LHFPL3: variants seen among roughly 807,000 people sequenced by gnomAD.
The protein encoded by LHFPL3 is LHFPL tetraspan subfamily member 3.
Under a neutral mutation model 19.3 loss-of-function variants are expected in LHFPL3, and 5 were observed. The ratio of observed to expected loss-of-function variants is 0.26; its 90% CI spans 0.14 to 0.54. The LOEUF (loss-of-function observed/expected upper bound fraction) is 0.54, where lower values mean the gene tolerates loss of function less well. Among genes scored for constraint, LHFPL3 ranks in the 20% least tolerant of loss-of-function variants. The pLI, the probability that LHFPL3 is intolerant of heterozygous loss-of-function variation, is 0.94. For missense variants in LHFPL3, 249 were observed against 307.4 expected (o/e 0.81, Z 1.42); for synonymous variants, 133 against 126.2 (o/e 1.05, Z -0.36).
At chr7:104,714,557 T>G (rs1440612802) in intron 1 of LHFPL3, among the ~76,000 whole-genome samples, 3 of 151,720 alleles carry the variant, frequency 2.0e-5, no homozygotes, top group Non-Finnish European at 4.4e-5. Flanking sequence ...ATTTAGTAAG[T>G]CAGTGCCTCG....
intron 1 of LHFPL3, among the ~76,000 whole-genome samples, chr7:104,690,541 G>C (rs945339009): frequency 1.3e-5 from 2 of 152,168 alleles, no homozygotes; most frequent in Admixed American, 6.5e-5. Flanking sequence ...AAACACTCTG[G>C]ACTTACTGAT....
At chr7:104,340,912 G>T (rs1291763610) in intron 1 of LHFPL3, among the ~76,000 whole-genome samples, 1 of 152,128 alleles carries the variant, frequency 6.6e-6, no homozygotes, top group Admixed American at 6.5e-5. Context: ...AAAAAAGGAA[G>T]CCATGTTTTG....
chr7:104,375,794 A>G (rs559687090), intron 1 of LHFPL3, among the ~76,000 whole-genome samples: 1 of 152,318 alleles, frequency 6.6e-6, no homozygotes, highest in Non-Finnish European at 1.5e-5. Context: ...TGCCTGGGCT[A>G]CTATTTCTCT....
chr7:104,862,937 T>C (rs1753909782), intron 2 of LHFPL3, among the ~76,000 whole-genome samples: 2 of 152,148 alleles, frequency 1.3e-5, no homozygotes, highest in African/African-American at 4.8e-5. Flanking sequence ...AACACGACAG[T>C]ATGTGTAGAA....
intron 1 of LHFPL3, among the ~76,000 whole-genome samples, chr7:104,422,565 T>C (rs1440885575): frequency 2.6e-5 from 4 of 152,346 alleles, no homozygotes. Context: ...TATTACAAAA[T>C]GGTTAAGCAT....
chr7:104,644,997 TTG>T (rs1422132636), intron 1 of LHFPL3, among the ~76,000 whole-genome samples: 1 of 152,194 alleles, frequency 6.6e-6, no homozygotes, highest in Non-Finnish European at 1.5e-5. Flanking sequence ...TTCCCAGACC[TTG>T]TCTCCACTGT....
At chr7:104,892,179 C>T (rs1223317902) in intron 2 of LHFPL3, among the ~76,000 whole-genome samples, 1 of 152,142 alleles carries the variant, frequency 6.6e-6, no homozygotes, top group Non-Finnish European at 1.5e-5. Flanking sequence ...GAATAGCTAT[C>T]CTTTTGGTGT....
chr7:104,358,738 CTG>C (rs1234958339), intron 1 of LHFPL3, among the ~76,000 whole-genome samples: 2 of 152,174 alleles, frequency 1.3e-5, no homozygotes, highest in Non-Finnish European at 2.9e-5. Flanking sequence ...AGAAACAAAA[CTG>C]AGATTTAGCT....
intron 1 of LHFPL3, among the ~76,000 whole-genome samples, chr7:104,517,874 G>T (rs1252318299): frequency 6.6e-6 from 1 of 152,032 alleles, no homozygotes; most frequent in African/African-American, 2.4e-5. Flanking sequence ...TACAGGGTGG[G>T]GACCTGGGGG....
intron 1 of LHFPL3, among the ~76,000 whole-genome samples, chr7:104,494,470 T>A (rs142581123): frequency 6.6e-6 from 1 of 152,086 alleles, no homozygotes; most frequent in African/African-American, 2.4e-5. Context: ...CTGAGATCTC[T>A]CCTCTCATTT....
At chr7:104,446,568 T>A (rs2116592037) in intron 1 of LHFPL3, among the ~76,000 whole-genome samples, 1 of 152,256 alleles carries the variant, frequency 6.6e-6, no homozygotes, top group South Asian at 2.1e-4. Context: ...TTATTTTATT[T>A]TTTTATTTTT....
intron 2 of LHFPL3, among the ~76,000 whole-genome samples, chr7:104,847,927 C>T (rs1031952920): frequency 1.3e-5 from 2 of 152,238 alleles, no homozygotes; most frequent in South Asian, 4.1e-4. Context: ...AATAACACAT[C>T]TAGTCTGCAG....
rs777385068 is a variant in LHFPL3 at position 104,420,652 on chromosome 7, C to T, written c.445+91428C>T. On this transcript the variant is annotated intron_variant, in intron 1 of 2. Transcript: ENST00000424859. Reference sequence around the variant, plus strand: ...TCGGCTCACTGCAAGCTCCGCCTCCCGGGTTCACGCCATTCTCCTGCCTCA... The same window carrying T: ...TCGGCTCACTGCAAGCTCCGCCTCCTGGGTTCACGCCATTCTCCTGCCTCA... 2.0e-4 allele frequency among the ~76,000 whole-genome samples: 30 copies of T among 151,130 alleles called. 1 individual carries two copies. The highest frequency in any genetic ancestry group is 6.3e-4 in the African/African-American group (26 of 41,172).
intron 1 of LHFPL3, among the ~76,000 whole-genome samples, chr7:104,545,003 A>C (rs1794554600): frequency 1.3e-5 from 2 of 152,346 alleles, no homozygotes; most frequent in African/African-American, 4.8e-5. Context: ...ATTTATGCCA[A>C]AATGGGTACT....
intron 1 of LHFPL3, among the ~76,000 whole-genome samples, chr7:104,580,770 G>C (rs1296681288): frequency 1.3e-5 from 2 of 151,902 alleles, no homozygotes; most frequent in East Asian, 3.9e-4. Flanking sequence ...TTTGCTTGCT[G>C]TAAAACTCCA....
chr7:104,822,198 G>A (rs1350007072), intron 2 of LHFPL3, among the ~76,000 whole-genome samples: 2 of 152,124 alleles, frequency 1.3e-5, no homozygotes, highest in Admixed American at 6.6e-5. Flanking sequence ...AGTGACTTTC[G>A]TTGGAAGGGT....
intron 1 of LHFPL3, among the ~76,000 whole-genome samples, chr7:104,662,007 G>A (rs187254836): frequency 3.3e-5 from 5 of 151,446 alleles, no homozygotes; most frequent in African/African-American, 9.7e-5. Flanking sequence ...TAGCATCTAC[G>A]GCATGGATCA....
At chr7:104,552,812 A>T (rs1794688211) in intron 1 of LHFPL3, among the ~76,000 whole-genome samples, 1 of 152,176 alleles carries the variant, frequency 6.6e-6, no homozygotes, top group Non-Finnish European at 1.5e-5. Flanking sequence ...CTATCTCCTA[A>T]TTTTCTTATT....
intron 1 of LHFPL3, among the ~76,000 whole-genome samples, chr7:104,593,019 T>C (rs947762413): frequency 4.6e-5 from 7 of 152,242 alleles, no homozygotes; most frequent in African/African-American, 1.4e-4. Flanking sequence ...TTTGAAGGGT[T>C]TTTTGTGTCT....
Sources: allele counts gnomAD v4.1 joint callset (sites outside exome capture counted in the v4.1 genomes callset), GRCh38; gene constraint gnomAD v4.1.1; transcripts MANE v1.5; gene names NCBI Gene and HGNC (gene_info 2026-07-23, HGNC 2026-07-21).